Variants in CEP83 observed in about 807,000 individuals in gnomAD.
CEP83 encodes centrosomal protein of 83 kDa.
In CEP83, 70 loss-of-function variants were observed where a neutral mutation model predicts 101.9. That is an observed-to-expected ratio of 0.69 (90% CI 0.57 to 0.84). CEP83 has a LOEUF of 0.84. CEP83 is among the 40% of genes least tolerant of loss of function. The pLI, the probability that CEP83 is intolerant of heterozygous loss-of-function variation, is 0.00. For synonymous variants in CEP83, 264 were observed against 267.9 expected (o/e 0.99, Z 0.14); for missense variants, 715 against 787.2 (o/e 0.91, Z 1.10).
chr12:94,339,334 C>G (rs1455684660), intron 11 of CEP83, among the ~76,000 whole-genome samples: 1 of 152,118 alleles, frequency 6.6e-6, no homozygotes, highest in African/African-American at 2.4e-5. Flanking sequence ...AGAATGCCTA[C>G]CCTTGAGTTT....
At chr12:94,351,175 C>T (rs1335440123) in intron 11 of CEP83, among the ~76,000 whole-genome samples, 1 of 152,150 alleles carries the variant, frequency 6.6e-6, no homozygotes, top group South Asian at 2.1e-4. Context: ...AAGAGAGACT[C>T]CCCATTGTGT....
At chr12:94,390,561 C>A (rs1368961823) in intron 6 of CEP83, among the ~76,000 whole-genome samples, 1 of 152,144 alleles carries the variant, frequency 6.6e-6, no homozygotes, top group Non-Finnish European at 1.5e-5. Flanking sequence ...AATCAAAGCG[C>A]CTCTTCTCCT....
In CEP83 at chr12:94,308,852, T is replaced by TA; in HGVS notation, c.2066_2067insT (p.Gln689HisfsTer41). 1 of 1,612,876 alleles carries TA rather than the reference T, an allele frequency of 6.2e-7. No individual in the cohort carries two copies. The highest frequency in any genetic ancestry group is 2.2e-5 in the East Asian group (1 of 44,850). On this transcript the variant is annotated frameshift_variant, in exon 17 of 17. Coordinates refer to ENST00000397809, the MANE Select transcript of CEP83 (RefSeq NM_016122.3). LOFTEE classifies it high-confidence loss of function. ...ATCCAAGTTCCTCTAGTTGTTTTCT[T>TA]TGTGTTGTTTCCAGTTCTTCTAGTC...
intron 1 of CEP83, among the ~76,000 whole-genome samples, chr12:94,440,878 G>C (rs754509009): frequency 6.6e-6 from 1 of 152,042 alleles, no homozygotes; most frequent in Non-Finnish European, 1.5e-5. Flanking sequence ...ACAAAGCCAA[G>C]TACTTACAGC....
Position 94,310,987 on chromosome 12 carries a change from C to T in CEP83, c.1812-880G>A, listed in dbSNP as rs556232716. 2.6e-5 allele frequency among the ~76,000 whole-genome samples: 4 copies of T among 152,188 alleles called. No individual in the cohort carries two copies. The East Asian group carries it at 7.7e-4, about 29-fold the overall frequency. On this transcript the variant is annotated intron_variant, in intron 15 of 16. Transcript: ENST00000397809. Reference sequence around the variant, plus strand: ...AATAGCTTCAGGATGGGGCAGGTCACCAGAAAGACTGAGGCATGATTAGAG... The same window carrying T: ...AATAGCTTCAGGATGGGGCAGGTCATCAGAAAGACTGAGGCATGATTAGAG...
intron 1 of CEP83, among the ~76,000 whole-genome samples, chr12:94,447,363 G>A (rs1329574505): frequency 2.6e-5 from 4 of 152,164 alleles, no homozygotes; most frequent in Non-Finnish European, 5.9e-5. Flanking sequence ...AAAATAGCCA[G>A]GTGTGGTGGC....
chr12:94,401,002 T>A, intron 5 of CEP83, 21 bp from the exon 6 acceptor site: 1 of 1,305,510 alleles, frequency 7.7e-7, no homozygotes, highest in Non-Finnish European at 1.0e-6. Flanking sequence ...AATGCATTTA[T>A]CATAGATTTA....
chr12:94,291,058 C>T, the CEP83 span, among the ~76,000 whole-genome samples: 7 of 152,190 alleles, frequency 4.6e-5, no homozygotes, highest in Admixed American at 4.6e-4. Flanking sequence ...TGGGGATTTG[C>T]GAGTGCCCAT....
intron 5 of CEP83, among the ~76,000 whole-genome samples, chr12:94,402,553 G>A (rs2063316640): frequency 6.6e-6 from 1 of 152,128 alleles, no homozygotes; most frequent in Admixed American, 6.5e-5. Flanking sequence ...AGACTTACAA[G>A]AGATGAAGTT....
chr12:94,287,349 G>A, the CEP83 span, among the ~76,000 whole-genome samples: 6 of 152,194 alleles, frequency 3.9e-5, no homozygotes, highest in Admixed American at 6.5e-5. Flanking sequence ...CAGGGTCTGG[G>A]GCATGTGCAC....
At chr12:94,411,219 G>A (rs942288117) in intron 4 of CEP83, among the ~76,000 whole-genome samples, 4 of 152,016 alleles carry the variant, frequency 2.6e-5, no homozygotes, top group African/African-American at 9.7e-5. Context: ...CAGCACTTTG[G>A]AGACAACTAT....
At chr12:94,303,731 GCT>G (rs1968714019), downstream of CEP83, 70 of 1,113,608 alleles carry the variant, frequency 6.3e-5, no homozygotes, top group African/African-American at 1.6e-4. Flanking sequence ...GGTGATGGTT[GCT>G]TTTTTTTTTT....
the CEP83 span, among the ~76,000 whole-genome samples, chr12:94,267,511 G>A: frequency 6.6e-6 from 1 of 152,076 alleles, no homozygotes; most frequent in Non-Finnish European, 1.5e-5. Flanking sequence ...GGAAAATCAT[G>A]ATTTCAGAAA....
chr12:94,460,298 T>C, upstream of CEP83: 1 of 152,628 alleles, frequency 6.6e-6, no homozygotes, highest in Non-Finnish European at 1.5e-5. Context: ...TTTTCGCGCC[T>C]CTCCTTCCCT....
At chr12:94,280,701 A>T in the CEP83 span, among the ~76,000 whole-genome samples, 1 of 152,030 alleles carries the variant, frequency 6.6e-6, no homozygotes, top group Non-Finnish European at 1.5e-5. Context: ...CTGACCCCAG[A>T]CCCCCAGCTT....
At chr12:94,352,485 C>T (rs993565758) in intron 11 of CEP83, among the ~76,000 whole-genome samples, 1 of 149,824 alleles carries the variant, frequency 6.7e-6, no homozygotes, top group African/African-American at 2.4e-5. Context: ...CAATAATACT[C>T]CAGTAATAGA....
intron 2 of CEP83, 102 bp from the exon 3 acceptor site, chr12:94,412,693 C>A (rs79385420): frequency 9.4e-6 from 2 of 213,898 alleles, no homozygotes; most frequent in Non-Finnish European, 1.6e-5. Flanking sequence ...TTTTTTTTTT[C>A]TTTTTTTTTT....
chr12:94,314,547 T>G (rs940702920), intron 14 of CEP83, among the ~76,000 whole-genome samples: 5 of 152,246 alleles, frequency 3.3e-5, no homozygotes, highest in African/African-American at 1.2e-4. Flanking sequence ...TATACTTCAT[T>G]CATTCCCACA....
chr12:94,390,090 T>C (rs1417044968), intron 6 of CEP83, among the ~76,000 whole-genome samples: 1 of 152,202 alleles, frequency 6.6e-6, no homozygotes, highest in African/African-American at 2.4e-5. Context: ...AACATCCCTG[T>C]CTGACAGCTC....
Sources: gnomAD v4.1 joint callset for allele counts (sites outside exome capture counted in the v4.1 genomes callset) on GRCh38, gnomAD v4.1.1 for gene constraint, MANE v1.5 for transcripts, NCBI Gene and HGNC (gene_info 2026-07-23, HGNC 2026-07-21) for gene names.